XRRA1: variants seen among roughly 807,000 people sequenced by gnomAD.
XRRA1 encodes X-ray radiation resistance-associated protein 1.
Under a neutral mutation model 80.2 loss-of-function variants are expected in XRRA1, and 69 were observed. The ratio of observed to expected loss-of-function variants is 0.86; its 90% CI spans 0.71 to 1.05. The LOEUF (loss-of-function observed/expected upper bound fraction) is 1.05, where lower values mean the gene tolerates loss of function less well. Ranked by LOEUF, XRRA1 falls within the 50% of genes least tolerant of loss-of-function variation. The pLI is 0.00. For missense variants in XRRA1, 967 were observed against 976.4 expected (o/e 0.99, Z 0.13); for synonymous variants, 348 against 389.9 (o/e 0.89, Z 1.27).
rs1341848097 is a variant in XRRA1 at position 74,858,196 on chromosome 11, T to A, written c.1170+962A>T. Among the ~76,000 whole-genome samples the A allele has an allele frequency of 2.0e-5, 3 of 152,228 alleles. No homozygotes were observed. The East Asian group carries it at 5.8e-4, about 29-fold the overall frequency. On this transcript the variant is annotated intron_variant, in intron 12 of 18. Transcript: ENST00000684022. ...CAATGAAAGAGGTAATGTCTAACTATTTTGGATCAATAAAAGACATAAATT... is the reference window on the plus strand; with the variant it reads ...CAATGAAAGAGGTAATGTCTAACTAATTTGGATCAATAAAAGACATAAATT...
chr11:74,904,891 TAAAA>T (rs35880400), intron 10 of XRRA1, among the ~76,000 whole-genome samples: 6 of 70,080 alleles, frequency 8.6e-5, no homozygotes, highest in Non-Finnish European at 1.2e-4. Flanking sequence ...AACTTCACAG[TAAAA>T]AAAAAAAAAA....
intron 10 of XRRA1, among the ~76,000 whole-genome samples, chr11:74,872,812 G>A (rs570509870): frequency 1.5e-4 from 23 of 151,916 alleles, no homozygotes; most frequent in Non-Finnish European, 2.5e-4. Context: ...GAAGGAAGGT[G>A]GACCTTCTTC....
chr11:74,884,607 C>G (rs1378022337), intron 10 of XRRA1, among the ~76,000 whole-genome samples: 1 of 152,206 alleles, frequency 6.6e-6, no homozygotes, highest in African/African-American at 2.4e-5. Flanking sequence ...TAGGACCCCT[C>G]TCTCTAGCAG....
At chr11:74,944,883 G>C (rs1401256817) in intron 2 of XRRA1, 135 bp downstream of exon 2, 1 of 152,556 alleles carries the variant, frequency 6.6e-6, no homozygotes, top group South Asian at 2.1e-4. Flanking sequence ...GAATGAATGA[G>C]TAACTTGCTG....
chr11:74,872,366 G>C (rs1027358770), intron 10 of XRRA1, among the ~76,000 whole-genome samples: 7 of 152,280 alleles, frequency 4.6e-5, no homozygotes, highest in Admixed American at 4.6e-4. Flanking sequence ...GTAGAAGCAG[G>C]CTATAGGACC....
At chr11:74,937,329 C>T (rs1396785358) in intron 3 of XRRA1, among the ~76,000 whole-genome samples, 3 of 152,066 alleles carry the variant, frequency 2.0e-5, no homozygotes, top group East Asian at 1.9e-4. Flanking sequence ...AATGACTTGC[C>T]GAATTCCTTC....
At chr11:74,927,549 A>G in intron 6 of XRRA1, 61 bp from the exon 7 acceptor site, 1 of 1,146,636 alleles carries the variant, frequency 8.7e-7, no homozygotes. Context: ...GAAAGATATT[A>G]ATAATTACCA....
chr11:74,843,400 G>C lies in XRRA1; in HGVS notation c.2203C>G (p.Leu735Val), dbSNP rs1258683376. 1.2e-6 allele frequency: 2 copies of C among 1,612,578 alleles called. No individual in the cohort carries two copies. The highest frequency in any genetic ancestry group is 1.7e-6 in the Non-Finnish European group (2 of 1,179,346). The change falls in exon 19 of 19, where the codon CTG becomes GTG. Residue 735 changes from leucine (L) to valine (V), a missense_variant. Transcript: ENST00000684022. The part of the protein sequence containing the change: ...ERRLVNHKQY[L>V]EAKRLLKEFQ... ...TCCTTCAACAGCCTCTTGGCCTCCA[G>C]GTACTGCTTGTGGTTCACCAGCCGC...
intron 7 of XRRA1, among the ~76,000 whole-genome samples, chr11:74,925,133 T>C (rs1351270296): frequency 6.6e-6 from 1 of 152,218 alleles, no homozygotes; most frequent in East Asian, 1.9e-4. Context: ...CTACAGAATT[T>C]CAGAGCTGAC....
intron 10 of XRRA1, among the ~76,000 whole-genome samples, chr11:74,878,604 G>A (rs1359727363): frequency 1.7e-4 from 26 of 151,104 alleles, no homozygotes; most frequent in African/African-American, 5.1e-4. Flanking sequence ...TAGGTCTAAC[G>A]TTTAAGTCTT....
intron 12 of XRRA1, 87 bp from the exon 13 acceptor site, chr11:74,852,169 A>G: frequency 9.0e-7 from 1 of 1,111,970 alleles, no homozygotes; most frequent in East Asian, 2.4e-5. Context: ...GCAGGGCTAC[A>G]TGCTTGCTAG....
rs776499834 is a variant in XRRA1, at chr11:74,940,832, A to G, written c.47T>C (p.Leu16Pro). ...IYKLDDGKPY[L>P]NNCFPARNLL... is the part of the protein sequence containing the mutation. ...ATTTCTGGCTGGGAAGCAGTTGTTC[A>G]GGTAAGGCTTCCCATCATCCAGCTT... The change falls in exon 3 of 19, where the codon CTG becomes CCG. Residue 16 changes from leucine (L) to proline (P), a missense_variant. Transcript: ENST00000684022. 16 of 1,609,684 alleles carry G rather than the reference A, an allele frequency of 9.9e-6. No homozygotes were observed. The highest frequency in any genetic ancestry group is 1.3e-5 in the Non-Finnish European group (15 of 1,178,134).
At chr11:74,883,305 T>C (rs532223292) in intron 10 of XRRA1, among the ~76,000 whole-genome samples, 2 of 152,136 alleles carry the variant, frequency 1.3e-5, no homozygotes, top group South Asian at 4.2e-4. Flanking sequence ...TTTCTTTGAC[T>C]CAGGAAGGGA....
chr11:74,908,732 C>T (rs1381301211), intron 8 of XRRA1, among the ~76,000 whole-genome samples: 3 of 151,942 alleles, frequency 2.0e-5, no homozygotes, highest in African/African-American at 4.8e-5. Context: ...GTGGGGAAGG[C>T]GCCTATTCGG....
chr11:74,913,198 T>C lies in XRRA1; in HGVS notation c.657-5925A>G, dbSNP rs796687702. On this transcript the variant is annotated intron_variant, in intron 8 of 18. Coordinates refer to ENST00000684022, the MANE Select transcript of XRRA1 (RefSeq NM_001378157.1). ...GCCCATTATAGTAGGAAGTGTCCAA[T>C]TGAAACCCCAGGAACTTTTCTTCCC... 2.5e-4 allele frequency among the ~76,000 whole-genome samples: 38 copies of C among 152,304 alleles called. 1 individual carries two copies. The highest frequency in any genetic ancestry group is 8.5e-4 in the Admixed American group (13 of 15,302).
At position 74,841,592 on chromosome 11, in the gene XRRA1, G is replaced by C. The variant is rs1357443392; in HGVS notation, c.*1608C>G. ...TAAATGCCTCCTTAATGCCTTTTAA[G>C]TAAGGTGGCAACTTTTAACTGTCAT... is the stretch of plus-strand genomic sequence containing the variant. On this transcript the variant is annotated 3_prime_UTR_variant, in exon 19 of 19. Coordinates refer to ENST00000684022, the MANE Select transcript of XRRA1 (RefSeq NM_001378157.1). 6.6e-6 allele frequency: 1 copy of C among 152,134 alleles called. No homozygotes were observed. The highest frequency in any genetic ancestry group is 1.9e-4 in the East Asian group (1 of 5,200). The allele number at this position is 152,134 out of a possible 1,614,324, so 9.4% of individuals were successfully genotyped here.
chr11:74,907,198 A>T lies in XRRA1; in HGVS notation c.732T>A (p.Asp244Glu), dbSNP rs767687781. ...AACTGGGGTTGGAGAGTCTGTTGTC[A>T]TCCAGCATCAGTGTCTCCAGCGCTG... ...RFPALETLML[D>E]DNRLSNPSCF... The change falls in exon 9 of 19, where the codon GAT (aspartate) becomes GAA (glutamate). Residue 244 changes from aspartate to glutamate, a missense_variant. Transcript: ENST00000684022. The T allele has an allele frequency of 1.2e-6, 2 of 1,613,958 alleles. No individual in the cohort carries two copies. Among genetic ancestry groups the T allele is most frequent in the Non-Finnish European group, 1.7e-6 (2 of 1,179,866 alleles).
At chr11:74,905,152 G>A (rs2054312692) in intron 10 of XRRA1, among the ~76,000 whole-genome samples, 1 of 152,136 alleles carries the variant, frequency 6.6e-6, no homozygotes, top group South Asian at 2.1e-4. Context: ...GGATCCTCCT[G>A]CCTCAGCCCC....
chr11:74,906,792 T>G, intron 9 of XRRA1: 1 of 391,384 alleles, frequency 2.6e-6, no homozygotes, highest in Non-Finnish European at 4.6e-6. Flanking sequence ...TTTCTTTACT[T>G]CAGTTAGAAT....
Sources: allele counts gnomAD v4.1 joint callset (sites outside exome capture counted in the v4.1 genomes callset), GRCh38; gene constraint gnomAD v4.1.1; transcripts MANE v1.5; gene names NCBI Gene and HGNC (gene_info 2026-07-23, HGNC 2026-07-21).